Variants in NTRK3 observed in about 807,000 individuals in gnomAD.
NTRK3 encodes NT-3 growth factor receptor.
In NTRK3, 24 loss-of-function variants were observed where a neutral mutation model predicts 91.7. The ratio of observed to expected loss-of-function variants is 0.26; its 90% confidence interval spans 0.19 to 0.37. NTRK3 has a LOEUF of 0.37. Among genes scored for constraint, NTRK3 ranks in the 10% least tolerant of loss-of-function variants. The probability of loss-of-function intolerance (pLI) is 1.00; values close to 1 mark genes in which losing one functional copy is unlikely to be tolerated. For synonymous variants in NTRK3, 483 were observed against 404.0 expected (o/e 1.20, Z -2.34); for missense variants, 880 against 1,068.9 (o/e 0.82, Z 2.46).
intron 13 of NTRK3, among the ~76,000 whole-genome samples, chr15:88,102,686 CT>C (rs1216238435): frequency 6.6e-6 from 1 of 152,170 alleles, no homozygotes; most frequent in African/African-American, 2.4e-5. Context: ...GAAGAATTGG[CT>C]TGAAGATTCC....
chr15:88,181,139 G>C (rs1444680338), intron 5 of NTRK3, among the ~76,000 whole-genome samples: 1 of 152,030 alleles, frequency 6.6e-6, no homozygotes, highest in Non-Finnish European at 1.5e-5. Context: ...ATCCTTCTCG[G>C]TAATCACCCT....
intron 8 of NTRK3, 43 bp downstream of exon 8, chr15:88,136,424 C>A (rs2151206663): frequency 6.2e-7 from 1 of 1,613,740 alleles, no homozygotes; most frequent in South Asian, 1.1e-5. Flanking sequence ...ACAGTGTGAT[C>A]ACTCCCTAGC....
chr15:88,081,361 C>T (rs1479970290), intron 13 of NTRK3, among the ~76,000 whole-genome samples: 3 of 152,222 alleles, frequency 2.0e-5, no homozygotes, highest in Non-Finnish European at 4.4e-5. Context: ...CCACCACTCC[C>T]ATCCAGGCCT....
intron 15 of NTRK3, among the ~76,000 whole-genome samples, chr15:87,935,641 G>T (rs1456658793): frequency 6.6e-6 from 1 of 152,132 alleles, no homozygotes; most frequent in Non-Finnish European, 1.5e-5. Flanking sequence ...TTATGTGAAT[G>T]CTGGATTTAT....
intron 13 of NTRK3, among the ~76,000 whole-genome samples, chr15:88,115,668 T>G (rs2051971204): frequency 6.6e-6 from 1 of 152,070 alleles, no homozygotes; most frequent in Admixed American, 6.5e-5. Flanking sequence ...TCCTGGAAAC[T>G]GCTCTGGTCT....
intron 14 of NTRK3, among the ~76,000 whole-genome samples, chr15:87,993,371 T>C (rs997153954): frequency 2.0e-5 from 3 of 152,140 alleles, no homozygotes; most frequent in Admixed American, 2.0e-4. Flanking sequence ...CCCTAAAAAA[T>C]CAAATAATAT....
At chr15:88,133,594 G>A (rs1043452283) in intron 10 of NTRK3, among the ~76,000 whole-genome samples, 3 of 152,174 alleles carry the variant, frequency 2.0e-5, no homozygotes, top group South Asian at 2.1e-4. Context: ...GCCACAGGCA[G>A]GGCAACGTTT....
intron 14 of NTRK3, among the ~76,000 whole-genome samples, chr15:87,944,340 T>A (rs1340790258): frequency 2.0e-5 from 3 of 152,198 alleles, no homozygotes; most frequent in African/African-American, 7.2e-5. Context: ...GCAGCTTCTT[T>A]CACTGAACTT....
chr15:88,178,384 T>C (rs2046184907), intron 5 of NTRK3, among the ~76,000 whole-genome samples: 1 of 152,174 alleles, frequency 6.6e-6, no homozygotes, highest in Non-Finnish European at 1.5e-5. Flanking sequence ...AGGGTAGGGA[T>C]CCTAGCCACC....
At chr15:88,118,356 G>C (rs2052333777) in intron 13 of NTRK3, among the ~76,000 whole-genome samples, 1 of 152,160 alleles carries the variant, frequency 6.6e-6, no homozygotes, top group Non-Finnish European at 1.5e-5. Context: ...TGCAGAGAGA[G>C]AAAGAATGTT....
chr15:87,970,266 G>A (rs1463715008), intron 14 of NTRK3, among the ~76,000 whole-genome samples: 1 of 152,174 alleles, frequency 6.6e-6, no homozygotes, highest in Non-Finnish European at 1.5e-5. Flanking sequence ...GAGGTCTCAA[G>A]CTCTTATGTG....
intron 13 of NTRK3, among the ~76,000 whole-genome samples, chr15:88,102,549 G>A (rs542660512): frequency 1.3e-5 from 2 of 152,180 alleles, no homozygotes; most frequent in Admixed American, 6.5e-5. Flanking sequence ...TGGTTGAGTC[G>A]ATGGATATCC....
At chr15:87,993,864 C>A (rs1296971753) in intron 14 of NTRK3, among the ~76,000 whole-genome samples, 1 of 152,130 alleles carries the variant, frequency 6.6e-6, no homozygotes, top group African/African-American at 2.4e-5. Flanking sequence ...ACAATGACTG[C>A]AAAGAGGAGC....
intron 13 of NTRK3, among the ~76,000 whole-genome samples, chr15:88,034,517 A>T (rs1188632421): frequency 6.6e-6 from 1 of 152,244 alleles, no homozygotes; most frequent in Non-Finnish European, 1.5e-5. Flanking sequence ...GTGGCTTCAT[A>T]CAACTGGCGT....
intron 14 of NTRK3, among the ~76,000 whole-genome samples, chr15:88,020,686 T>C (rs1405869844): frequency 6.6e-6 from 1 of 152,196 alleles, no homozygotes; most frequent in East Asian, 1.9e-4. Context: ...TTTTCTTATC[T>C]CAAATTTAGA....
chr15:88,202,323 T>C (rs1489772773), intron 3 of NTRK3, among the ~76,000 whole-genome samples: 1 of 152,210 alleles, frequency 6.6e-6, no homozygotes, highest in African/African-American at 2.4e-5. Flanking sequence ...TGACTTTCTC[T>C]CCTGGCCTTT....
At chr15:88,047,708 T>C (rs768801730) in intron 13 of NTRK3, among the ~76,000 whole-genome samples, 71 of 152,166 alleles carry the variant, frequency 4.7e-4, no homozygotes, top group Admixed American at 2.5e-3. Flanking sequence ...CAGAGATGTC[T>C]GGTTCTATTA....
chr15:88,199,740 TCTG>T (rs1267442490), intron 3 of NTRK3, among the ~76,000 whole-genome samples: 1 of 152,180 alleles, frequency 6.6e-6, no homozygotes, highest in Non-Finnish European at 1.5e-5. Context: ...GGGGAAAGTG[TCTG>T]GGGAGACCCA....
Position 88,050,772 on chromosome 15 carries a change from T to C in NTRK3, c.1397-17727A>G, listed in dbSNP as rs751708095. ...CACTTCCATTTTACAGACAAAGAAA[T>C]TGAGGCTCAGAACTATTTTATTAAC... On this transcript the variant is annotated intron_variant, in intron 13 of 18. Transcript: ENST00000394480. Among the ~76,000 whole-genome samples the C allele has an allele frequency of 9.7e-4, 148 of 152,310 alleles. 1 individual carries two copies. The highest frequency in any genetic ancestry group is 3.4e-3 in the Middle Eastern group (1 of 294).
Sources: gnomAD v4.1 joint callset for allele counts (sites outside exome capture counted in the v4.1 genomes callset) on GRCh38, gnomAD v4.1.1 for gene constraint, MANE v1.5 for transcripts, NCBI Gene and HGNC (gene_info 2026-07-23, HGNC 2026-07-21) for gene names.